Variants in MTFR1 observed in about 807,000 individuals in gnomAD.
MTFR1 encodes chondrocyte protein with a poly-proline region.
In MTFR1, 28 loss-of-function variants were observed where a neutral mutation model predicts 38.8. That is an observed-to-expected ratio of 0.72 (90% CI 0.53 to 0.99). The LOEUF is 0.99. Ranked by LOEUF, MTFR1 falls within the 50% of genes least tolerant of loss-of-function variation. MTFR1 has a pLI of 0.00. For synonymous variants in MTFR1, 145 were observed against 137.0 expected (o/e 1.06, Z -0.41); for missense variants, 358 against 395.5 (o/e 0.91, Z 0.81).
chr8:65,733,300 G>A (rs1329431047), intron 3 of MTFR1, among the ~76,000 whole-genome samples: 2 of 152,210 alleles, frequency 1.3e-5, no homozygotes, highest in Non-Finnish European at 2.9e-5. Context: ...GGAGATGGGA[G>A]TGCAGAAGCC....
Position 65,707,270 on chromosome 8 carries a change from C to A in MTFR1, c.764+14C>A. ...GTCAGTGAAGAGGTGAGGATACATT[C>A]ACCTTCTTTCTTCCCCATTTGTTTG... On this transcript the variant is annotated intron_variant, in intron 6 of 7. Transcript: ENST00000262146. 6.2e-7 allele frequency: 1 copy of A among 1,602,494 alleles called. No individual in the cohort carries two copies. The highest frequency in any genetic ancestry group is 1.1e-5 in the South Asian group (1 of 89,056).
At chr8:65,661,766 C>T (rs1004157376) in intron 1 of MTFR1, among the ~76,000 whole-genome samples, 4 of 152,108 alleles carry the variant, frequency 2.6e-5, no homozygotes, top group African/African-American at 7.2e-5. Flanking sequence ...GAGTTCAAGA[C>T]CAGCCTGGCC....
At position 65,669,737 on chromosome 8, in the gene MTFR1, G is replaced by A. The variant is rs995783734; in HGVS notation, c.-80-136G>A. On this transcript the variant is annotated intron_variant, in intron 1 of 7. Coordinates refer to ENST00000262146, the MANE Select transcript of MTFR1 (RefSeq NM_014637.4). ...CGGCTAATTTTGTATTTTTAGTAGA[G>A]ATGGGGTTTCTCCATGTTGGTCAGG... 6 of 494,870 alleles carry A rather than the reference G, an allele frequency of 1.2e-5. No individual in the cohort carries two copies. The African/African-American group carries it at 1.2e-4, about 10-fold the overall frequency. 30.7% of individuals were successfully genotyped at this position (494,870 alleles called of 1,614,324 possible).
chr8:65,682,978 A>C, intron 3 of MTFR1: 9 of 950,500 alleles, frequency 9.5e-6, no homozygotes, highest in Non-Finnish European at 1.1e-5. Flanking sequence ...GTGATAGTCA[A>C]ACCGTGAATC....
chr8:65,679,341 C>A (rs1413541885), intron 2 of MTFR1, among the ~76,000 whole-genome samples: 2 of 152,172 alleles, frequency 1.3e-5, no homozygotes, highest in Non-Finnish European at 2.9e-5. Context: ...TGCGGTGGTG[C>A]ACGCCTGTAA....
chr8:65,696,962 A>G (rs111318240), intron 4 of MTFR1, among the ~76,000 whole-genome samples: 1 of 142,110 alleles, frequency 7.0e-6, no homozygotes, highest in South Asian at 2.3e-4. Flanking sequence ...TGCCTGGCCA[A>G]TATGTAACCT....
intron 3 of MTFR1, among the ~76,000 whole-genome samples, chr8:65,755,751 A>G (rs776561873): frequency 1.3e-5 from 2 of 152,166 alleles, no homozygotes; most frequent in Non-Finnish European, 2.9e-5. Context: ...AACTGTTAAT[A>G]CCCTTTTATG....
At chr8:65,729,383 T>TTTTTTTTTTTA (rs1806745036) in intron 3 of MTFR1, among the ~76,000 whole-genome samples, 1 of 150,472 alleles carries the variant, frequency 6.6e-6, no homozygotes. Context: ...TTTTTTTTTT[T>TTTTTTTTTTTA]TTTTGGCTAA....
intron 1 of MTFR1, among the ~76,000 whole-genome samples, chr8:65,660,251 A>G (rs1809373453): frequency 7.0e-6 from 1 of 143,770 alleles, no homozygotes; most frequent in Admixed American, 7.7e-5. Flanking sequence ...AGATCATGCC[A>G]TTGTACTCCA....
intron 1 of MTFR1, among the ~76,000 whole-genome samples, chr8:65,659,505 G>A (rs1285041690): frequency 2.0e-5 from 3 of 148,614 alleles, no homozygotes; most frequent in Admixed American, 6.8e-5. Flanking sequence ...GTCGGACCAC[G>A]CAATCTGAGC....
chr8:65,724,997 A>G, intron 3 of MTFR1: 1 of 944,270 alleles, frequency 1.1e-6, no homozygotes, highest in Admixed American at 2.6e-5. Context: ...CTTAACCATA[A>G]TAATCGGAAG....
chr8:65,695,402 G>A (rs1053526690), intron 4 of MTFR1, among the ~76,000 whole-genome samples: 2 of 152,044 alleles, frequency 1.3e-5, no homozygotes, highest in African/African-American at 2.4e-5. Flanking sequence ...CCCGAGTGAG[G>A]CTGGAGTGCA....
intron 3 of MTFR1, among the ~76,000 whole-genome samples, chr8:65,730,955 A>T (rs563177542): frequency 6.6e-6 from 1 of 152,252 alleles, no homozygotes; most frequent in East Asian, 1.9e-4. Flanking sequence ...AAAACATAAA[A>T]ACAGAGAACA....
At chr8:65,698,798 G>A (rs556000110) in intron 4 of MTFR1, among the ~76,000 whole-genome samples, 3 of 150,970 alleles carry the variant, frequency 2.0e-5, no homozygotes, top group South Asian at 2.1e-4. Flanking sequence ...GCACGATCTC[G>A]GCTCACTGCA....
At chr8:65,696,221 AT>A (rs1428188871) in intron 4 of MTFR1, among the ~76,000 whole-genome samples, 4 of 152,248 alleles carry the variant, frequency 2.6e-5, no homozygotes, top group African/African-American at 9.6e-5. Context: ...AAGGAATTTG[AT>A]TTGAATGACA....
chr8:65,655,052 A>G, intron 1 of MTFR1, among the ~76,000 whole-genome samples: 1 of 152,216 alleles, frequency 6.6e-6, no homozygotes, highest in East Asian at 1.9e-4. Flanking sequence ...GGATCACTTA[A>G]GATATTTGAA....
At position 65,709,011 on chromosome 8, in the gene MTFR1, G is replaced by T; in HGVS notation, c.969G>T (p.Met323Ile). 6.2e-7 allele frequency: 1 copy of T among 1,614,000 alleles called. No individual in the cohort carries two copies. Among genetic ancestry groups the T allele is most frequent in the South Asian group, 1.1e-5 (1 of 91,080 alleles). Reference sequence around the variant, plus strand: ...ACATGTTGAAGCCAACAGGAAAAATGAAGGCTTTAATTGAAAATGTATCAG... The same window carrying T: ...ACATGTTGAAGCCAACAGGAAAAATTAAGGCTTTAATTGAAAATGTATCAG... ...GPHMLKPTGK[M>I]KALIENVSDS The change falls in exon 8 of 8, where the codon ATG becomes ATT. Residue 323 changes from methionine to isoleucine, a missense_variant. Coordinates refer to ENST00000262146, the MANE Select transcript of MTFR1 (RefSeq NM_014637.4).
intron 3 of MTFR1, among the ~76,000 whole-genome samples, chr8:65,762,073 T>C (rs1808525702): frequency 6.6e-6 from 1 of 152,218 alleles, no homozygotes. Context: ...ATCATGAAGA[T>C]ACTAATCATG....
At chr8:65,721,884 CTGCAA>C (rs1806394178) in intron 3 of MTFR1, 2 of 148,092 alleles carry the variant, frequency 1.4e-5, no homozygotes, top group African/African-American at 5.0e-5. Flanking sequence ...TATTGGCTCA[CTGCAA>C]CCTCTGCCTC....
Sources: allele counts gnomAD v4.1 joint callset (sites outside exome capture counted in the v4.1 genomes callset), GRCh38; gene constraint gnomAD v4.1.1; transcripts MANE v1.5; gene names NCBI Gene and HGNC (gene_info 2026-07-23, HGNC 2026-07-21).